The following LRGUK variants were observed in gnomAD, a reference collection of about 807,000 sequenced individuals.
LRGUK encodes the protein leucine rich repeats and guanylate kinase domain containing.
LRGUK carries 65 observed loss-of-function variants against 76.0 expected under a neutral mutation model. That is an observed-to-expected ratio of 0.85 (90% confidence interval 0.70 to 1.05). The LOEUF is 1.05. Ranked by LOEUF, LRGUK falls within the 50% of genes least tolerant of loss-of-function variation. The pLI, the probability that LRGUK is intolerant of heterozygous loss-of-function variation, is 0.00. For missense variants in LRGUK, 758 were observed against 732.8 expected (o/e 1.03, Z -0.40); for synonymous variants, 268 against 265.6 (o/e 1.01, Z -0.09).
intron 12 of LRGUK, among the ~76,000 whole-genome samples, chr7:134,194,174 G>A (rs1800384018): frequency 6.6e-6 from 1 of 152,174 alleles, no homozygotes; most frequent in African/African-American, 2.4e-5. Flanking sequence ...GAATGGGGTG[G>A]AGGGAAACCA....
intron 16 of LRGUK, among the ~76,000 whole-genome samples, chr7:134,228,029 A>G (rs1036841734): frequency 6.6e-6 from 1 of 152,208 alleles, no homozygotes; most frequent in African/African-American, 2.4e-5. Flanking sequence ...TAAATCTTGA[A>G]AACCCAACTT....
At chr7:134,155,197 T>C (rs1167654099) in intron 5 of LRGUK, among the ~76,000 whole-genome samples, 1 of 152,162 alleles carries the variant, frequency 6.6e-6, no homozygotes, top group Non-Finnish European at 1.5e-5. Context: ...GCTCCAAGGG[T>C]ATTTTATTTC....
chr7:134,217,620 A>G (rs1170061306), intron 15 of LRGUK, among the ~76,000 whole-genome samples: 1 of 152,146 alleles, frequency 6.6e-6, no homozygotes, highest in Non-Finnish European at 1.5e-5. Flanking sequence ...GCACAGATAG[A>G]CAAGACTTTT....
chr7:134,239,847 G>A (rs911669054), intron 16 of LRGUK, among the ~76,000 whole-genome samples: 29 of 152,124 alleles, frequency 1.9e-4, no homozygotes, highest in African/African-American at 5.5e-4. Flanking sequence ...CCTCTGAGAC[G>A]AAGCTTCCAG....
At chr7:134,151,679 T>C (rs1356841489) in intron 5 of LRGUK, among the ~76,000 whole-genome samples, 5 of 152,064 alleles carry the variant, frequency 3.3e-5, no homozygotes, top group Non-Finnish European at 4.4e-5. Flanking sequence ...AAAAAGACCA[T>C]GTATTACCAC....
chr7:134,249,206 T>G, intron 18 of LRGUK, 130 bp downstream of exon 18: 1 of 1,048,360 alleles, frequency 9.5e-7, no homozygotes, highest in South Asian at 2.4e-5. Flanking sequence ...GCTGTAGAAT[T>G]TGAAGGGAGT....
intron 18 of LRGUK, among the ~76,000 whole-genome samples, chr7:134,251,130 G>A (rs1342572770): frequency 6.6e-6 from 1 of 152,142 alleles, no homozygotes; most frequent in Non-Finnish European, 1.5e-5. Flanking sequence ...ATATGTTGGA[G>A]TCCTGACCCC....
intron 11 of LRGUK, among the ~76,000 whole-genome samples, chr7:134,189,548 A>T (rs1344232482): frequency 6.6e-6 from 1 of 152,134 alleles, no homozygotes; most frequent in Non-Finnish European, 1.5e-5. Flanking sequence ...CCATGTCTTT[A>T]TTTACCTGCC....
intron 19 of LRGUK, 33 bp from the exon 20 acceptor site, chr7:134,263,812 G>A (rs751186491): frequency 6.3e-7 from 1 of 1,578,860 alleles, no homozygotes; most frequent in Non-Finnish European, 8.6e-7. Flanking sequence ...GAAACCAAGG[G>A]ATTAACTATC....
chr7:134,263,419 C>CTGTGTGTGTGTGTGTGTG (rs60637538), intron 19 of LRGUK, among the ~76,000 whole-genome samples: 39 of 149,618 alleles, frequency 2.6e-4, no homozygotes, highest in African/African-American at 7.5e-4. Context: ...GTGTGTGTGT[C>CTGTGTGTGTGTGTGTGTG]TGTGTGCATG....
intron 8 of LRGUK, among the ~76,000 whole-genome samples, chr7:134,175,582 A>G (rs907061870): frequency 2.6e-5 from 4 of 152,164 alleles, no homozygotes; most frequent in African/African-American, 9.7e-5. Context: ...TAACTGATTT[A>G]TATACAAAAC....
At chr7:134,151,366 G>A (rs1182812597) in intron 5 of LRGUK, among the ~76,000 whole-genome samples, 1 of 151,936 alleles carries the variant, frequency 6.6e-6, no homozygotes, top group Non-Finnish European at 1.5e-5. Context: ...GAAACCCTGA[G>A]TAGTCCTATA....
chr7:134,165,435 C>A (rs142587388), intron 7 of LRGUK, among the ~76,000 whole-genome samples: 12 of 152,162 alleles, frequency 7.9e-5, no homozygotes, highest in African/African-American at 2.9e-4. Flanking sequence ...AATGGGCCTC[C>A]CTTCTGAAAG....
intron 1 of LRGUK, among the ~76,000 whole-genome samples, chr7:134,131,690 G>A (rs1286924116): frequency 1.3e-5 from 2 of 152,188 alleles, no homozygotes; most frequent in Non-Finnish European, 2.9e-5. Flanking sequence ...TTGTAATACT[G>A]GAGGCAAGGA....
Position 134,199,227 on chromosome 7 carries a change from G to C in LRGUK, c.1553G>C (p.Arg518Thr), listed in dbSNP as rs151285219. ...CTTCCTTTTAATGCACAGGGTGTAA[G>C]AAGTTTGAAATATTCCTATTTTGAG... Residue 518 changes from arginine (R) to threonine (T), a missense_variant, in exon 14 of 16, where the codon AGA (arginine) becomes ACA (threonine). Coordinates refer to ENST00000645682, the Ensembl canonical transcript of LRGUK. The C allele has an allele frequency of 9.9e-6, 16 of 1,613,412 alleles. No homozygotes were observed. The African/African-American group carries it at 2.1e-4, about 22-fold the overall frequency.
rs1585504563 is a variant in LRGUK, at chr7:134,180,323, T to G, written c.1214+1714T>G. Among the ~76,000 whole-genome samples the G allele has an allele frequency of 3.3e-5, 5 of 150,036 alleles. No homozygotes were observed. In the South Asian group the frequency reaches 1.0e-3, roughly 31 times the overall value. ...ATCCATCCATCCATCCATCCATCCATCCATCCATCCATCCAATCTATTTGT... is the reference window on the plus strand; with the variant it reads ...ATCCATCCATCCATCCATCCATCCAGCCATCCATCCATCCAATCTATTTGT... On this transcript the variant is annotated intron_variant, in intron 10 of 15. Coordinates refer to ENST00000645682, the Ensembl canonical transcript of LRGUK.
At chr7:134,153,626 C>T (rs1242068344) in intron 5 of LRGUK, among the ~76,000 whole-genome samples, 1 of 152,104 alleles carries the variant, frequency 6.6e-6, no homozygotes, top group African/African-American at 2.4e-5. Context: ...CAACAACTTG[C>T]CCCAGATTAT....
intron 16 of LRGUK, among the ~76,000 whole-genome samples, chr7:134,234,371 A>G (rs1801969704): frequency 6.6e-6 from 1 of 152,034 alleles, no homozygotes; most frequent in Non-Finnish European, 1.5e-5. Context: ...GACCGCCTGC[A>G]TGGCTTCAAT....
intron 16 of LRGUK, among the ~76,000 whole-genome samples, chr7:134,238,722 T>C (rs555658164): frequency 6.6e-6 from 1 of 152,314 alleles, no homozygotes; most frequent in South Asian, 2.1e-4. Context: ...GCTTTCATTG[T>C]CTGTTAGAAT....
Sources: gnomAD v4.1 joint callset for allele counts (sites outside exome capture counted in the v4.1 genomes callset) on GRCh38, gnomAD v4.1.1 for gene constraint, MANE v1.5 for transcripts, NCBI Gene and HGNC (gene_info 2026-07-23, HGNC 2026-07-21) for gene names.